The following NOS1 variants were observed in gnomAD, a reference collection of about 807,000 sequenced individuals.
NOS1 encodes the protein NOS type I.
A neutral mutation model predicts 164.5 loss-of-function variants in NOS1; 51 were observed. The observed-to-expected ratio is 0.31, with a 90% confidence interval of 0.25 to 0.39. The LOEUF (loss-of-function observed/expected upper bound fraction) is 0.39. Among genes scored for constraint, NOS1 ranks in the 10% least tolerant of loss-of-function variants. The probability of loss-of-function intolerance (pLI) is 1.00; values close to 1 mark genes in which losing one functional copy is unlikely to be tolerated. For synonymous variants in NOS1, 719 were observed against 745.8 expected (o/e 0.96, Z 0.59); for missense variants, 1,362 against 1,885.6 (o/e 0.72, Z 5.14).
At position 117,213,261 on chromosome 12, in the gene NOS1, A is replaced by G. The variant is rs1956555067; in HGVS notation, c.*2048T>C. On this transcript the variant is annotated 3_prime_UTR_variant, in exon 29 of 29. Transcript: ENST00000317775. ...ATTGGGGAGGCGTCTCCAAAGCTAT[A>G]AAGGATTGGAAAGAAAGCCTTTGGG... 1.0e-6 allele frequency: 1 copy of G among 985,486 alleles called. No individual in the cohort carries two copies. Among genetic ancestry groups the G allele is most frequent in the African/African-American group, 1.7e-5 (1 of 57,376 alleles). The allele number at this position is 985,486 out of a possible 1,614,324, so 61.0% of individuals were successfully genotyped here.
chr12:117,224,233 A>G (rs757338820), intron 25 of NOS1, among the ~76,000 whole-genome samples: 6 of 152,028 alleles, frequency 3.9e-5, no homozygotes, highest in Non-Finnish European at 5.9e-5. Flanking sequence ...AACGCCTCCA[A>G]TAGTGTTTGG....
At chr12:117,244,432 T>C (rs1312419922) in intron 18 of NOS1, among the ~76,000 whole-genome samples, 1 of 152,094 alleles carries the variant, frequency 6.6e-6, no homozygotes, top group African/African-American at 2.4e-5. Flanking sequence ...AGAGACAGGG[T>C]TTCGCCATGT....
At chr12:117,261,390 G>A (rs1183970365) in intron 13 of NOS1, among the ~76,000 whole-genome samples, 2 of 151,990 alleles carry the variant, frequency 1.3e-5, no homozygotes, top group African/African-American at 2.4e-5. Flanking sequence ...TGTCAGTATT[G>A]TTATAGGAAA....
chr12:117,208,357 T>A lies in NOS1; in HGVS notation c.*6952A>T, dbSNP rs1474032409. On this transcript the variant is annotated 3_prime_UTR_variant, in exon 29 of 29. Transcript: ENST00000317775. ...GGCAGAGATTAGCAGCATTGAGAGC[T>A]CAGAGGTAGGGGGGACGGCCGAGTT... 7.8e-7 allele frequency: 1 copy of A among 1,281,446 alleles called. No homozygotes were observed. Among genetic ancestry groups the A allele is most frequent in the Non-Finnish European group, 1.0e-6 (1 of 987,016 alleles). The allele number at this position is 1,281,446 out of a possible 1,614,324, so 79.4% of individuals were successfully genotyped here.
chr12:117,230,126 T>C (rs1869091191), intron 22 of NOS1, among the ~76,000 whole-genome samples: 1 of 150,410 alleles, frequency 6.6e-6, no homozygotes, highest in Admixed American at 6.6e-5. Flanking sequence ...GTTGCCCGGG[T>C]TGGTTCCAAA....
intron 2 of NOS1, among the ~76,000 whole-genome samples, chr12:117,314,183 G>A (rs1007807617): frequency 6.6e-6 from 1 of 152,162 alleles, no homozygotes; most frequent in African/African-American, 2.4e-5. Context: ...ATTCATCAGA[G>A]GGAACATTCT....
chr12:117,276,622 A>C (rs893350399), intron 9 of NOS1, among the ~76,000 whole-genome samples: 17 of 136,566 alleles, frequency 1.2e-4, no homozygotes, highest in South Asian at 2.4e-4. Context: ...TCTTCCCCTC[A>C]CCCCCTCCAC....
At chr12:117,281,519 CA>C (rs56248436) in intron 7 of NOS1, among the ~76,000 whole-genome samples, 1,208 of 50,760 alleles carry the variant, frequency 0.024, 6 homozygotes, top group Non-Finnish European at 0.03. Flanking sequence ...GACTCCATCT[CA>C]AAAAAAAAAA....
chr12:117,233,881 G>A (rs1446223089), intron 21 of NOS1, among the ~76,000 whole-genome samples: 5 of 151,640 alleles, frequency 3.3e-5, no homozygotes. Flanking sequence ...TTTCAGCAGG[G>A]CTTTGACTAC....
chr12:117,286,248 G>A lies in NOS1; in HGVS notation c.1146C>T (p.His382=), dbSNP rs1190711498. The part of the protein sequence containing the change: ...SSIKRFGSKA[H]MERLEEVNKE... ...TGTTCACCTCTTCCAGCCTTTCCAT[G>A]TGGGCTTTGGAGCCAAATCTGAGTG... The change falls in exon 6 of 29, where the codon CAC becomes CAT. Residue 382 remains histidine, a synonymous_variant. Coordinates refer to ENST00000317775, the MANE Select transcript of NOS1 (RefSeq NM_000620.5). The A allele has an allele frequency of 6.2e-7, 1 of 1,614,030 alleles. No homozygotes were observed. The highest frequency in any genetic ancestry group is 1.3e-5 in the African/African-American group (1 of 74,920).
chr12:117,322,923 T>C (rs545215978), intron 2 of NOS1, among the ~76,000 whole-genome samples: 1 of 141,460 alleles, frequency 7.1e-6, no homozygotes, highest in Admixed American at 7.0e-5. Flanking sequence ...AGGCCTACCC[T>C]GGGGTCAAGC....
At chr12:117,256,838 G>GAGGA (rs903042321) in intron 16 of NOS1, among the ~76,000 whole-genome samples, 17 of 151,962 alleles carry the variant, frequency 1.1e-4, no homozygotes, top group African/African-American at 3.9e-4. Flanking sequence ...TTGGGAGGCT[G>GAGGA]AGGCAGGCAG....
At chr12:117,361,460 T>G (rs904245802) in intron 1 of NOS1, 52 bp downstream of exon 1, 1 of 148,948 alleles carries the variant, frequency 6.7e-6, no homozygotes, top group African/African-American at 2.5e-5. Flanking sequence ...GGACGGAGGC[T>G]GCGGGCTTCC....
At chr12:117,346,816 C>T (rs1876374170) in intron 1 of NOS1, among the ~76,000 whole-genome samples, 1 of 152,206 alleles carries the variant, frequency 6.6e-6, no homozygotes, top group African/African-American at 2.4e-5. Flanking sequence ...GAAATTTCAA[C>T]TTCAACTCAA....
intron 1 of NOS1, among the ~76,000 whole-genome samples, chr12:117,337,319 T>C (rs1416527820): frequency 2.0e-5 from 3 of 151,962 alleles, no homozygotes; most frequent in Admixed American, 6.6e-5. Context: ...GGTTTCACCA[T>C]GTTAGCCAGG....
chr12:117,239,932 C>T (rs188217955), intron 20 of NOS1, among the ~76,000 whole-genome samples: 1 of 152,010 alleles, frequency 6.6e-6, no homozygotes, highest in Non-Finnish European at 1.5e-5. Flanking sequence ...CACTTTTAGA[C>T]CCGTAGCTTA....
At chr12:117,305,540 A>G (rs546115805) in intron 3 of NOS1, among the ~76,000 whole-genome samples, 1 of 151,752 alleles carries the variant, frequency 6.6e-6, no homozygotes, top group South Asian at 2.1e-4. Flanking sequence ...AGGTTAGGAG[A>G]TCATCTTTCA....
At position 117,242,671 on chromosome 12, in the gene NOS1, A is replaced by G. The variant is rs781244474; in HGVS notation, c.2997T>C (p.Ala999=). The G allele has an allele frequency of 1.1e-5, 17 of 1,614,096 alleles. No individual in the cohort carries two copies. Among genetic ancestry groups the G allele is most frequent in the Non-Finnish European group, 1.4e-5 (17 of 1,180,034 alleles). ...GGTTTTGACGGCTAAGGAGCCGGGC[A>G]GCTGAGACTCGCTTTTTGTGGACAT... ...LSNVHKKRVS[A]ARLLSRQNLQ... Residue 999 remains alanine, a synonymous_variant, in exon 20 of 29, where the codon GCT becomes GCC. Coordinates refer to ENST00000317775, the MANE Select transcript of NOS1 (RefSeq NM_000620.5).
chr12:117,239,218 G>C (rs1869969436), intron 20 of NOS1, among the ~76,000 whole-genome samples: 1 of 152,222 alleles, frequency 6.6e-6, no homozygotes, highest in African/African-American at 2.4e-5. Context: ...TCCCCATCAA[G>C]AACTCTCCAC....
Sources: gnomAD v4.1 joint callset for allele counts (sites outside exome capture counted in the v4.1 genomes callset) on GRCh38, gnomAD v4.1.1 for gene constraint, MANE v1.5 for transcripts, NCBI Gene and HGNC (gene_info 2026-07-23, HGNC 2026-07-21) for gene names.